KLHDC1: variants seen among roughly 807,000 people sequenced by gnomAD.
The protein encoded by KLHDC1 is kelch domain containing 1.
A neutral mutation model predicts 68.3 loss-of-function variants in KLHDC1; 53 were observed. The ratio of observed to expected loss-of-function variants is 0.78; its 90% CI spans 0.62 to 0.98. The LOEUF (loss-of-function observed/expected upper bound fraction) is 0.98, where lower values mean the gene tolerates loss of function less well. Among genes scored for constraint, KLHDC1 ranks in the 50% least tolerant of loss-of-function variants. The pLI is 0.00. For missense variants in KLHDC1, 470 were observed against 492.3 expected (o/e 0.95, Z 0.43); for synonymous variants, 148 against 159.0 (o/e 0.93, Z 0.52).
intron 9 of KLHDC1, among the ~76,000 whole-genome samples, chr14:49,733,241 C>A (rs1888857348): frequency 6.6e-6 from 1 of 152,008 alleles, no homozygotes; most frequent in Non-Finnish European, 1.5e-5. Flanking sequence ...CTTTTTGTTC[C>A]AGAGCTGTAG....
Position 49,730,437 on chromosome 14 carries a change from GT to G in KLHDC1, c.710+890del, listed in dbSNP as rs544033186. 2.9e-3 allele frequency among the ~76,000 whole-genome samples: 448 copies of G among 152,084 alleles called. 3 individuals are homozygous for G. The highest frequency in any genetic ancestry group is 0.01 in the African/African-American group (434 of 41,500). ...AGATTTCACCATGTTGGCCAGGATG[GT>G]CTCGATCTCTTGACCTTGTGATCCG... On this transcript the variant is annotated intron_variant, in intron 8 of 12. Coordinates refer to ENST00000359332, the MANE Select transcript of KLHDC1 (RefSeq NM_172193.3).
intron 3 of KLHDC1, 83 bp downstream of exon 3, chr14:49,709,909 AAAG>A: frequency 1.4e-6 from 1 of 717,060 alleles, no homozygotes; most frequent in Non-Finnish European, 2.2e-6. Context: ...AATATTTTAA[AAAG>A]AAGATATATA....
At chr14:49,734,382 CAA>C (rs1019534475) in intron 9 of KLHDC1, among the ~76,000 whole-genome samples, 29 of 152,252 alleles carry the variant, frequency 1.9e-4, no homozygotes, top group African/African-American at 6.3e-4. Flanking sequence ...GCACATGTAG[CAA>C]AGTCTTGATA....
chr14:49,731,149 G>A (rs777028998), intron 8 of KLHDC1, among the ~76,000 whole-genome samples: 7 of 152,112 alleles, frequency 4.6e-5, no homozygotes, highest in South Asian at 2.1e-4. Context: ...GTGTATTGGC[G>A]CATGCTTGTA....
intron 11 of KLHDC1, among the ~76,000 whole-genome samples, chr14:49,742,537 G>A (rs139466195): frequency 0.016 from 2,508 of 152,208 alleles, 43 homozygotes; most frequent in Middle Eastern, 0.024. Flanking sequence ...CCAGGATGTG[G>A]TGGTGTGCAC....
At chr14:49,719,638 A>C (rs1254521425) in intron 4 of KLHDC1, among the ~76,000 whole-genome samples, 2 of 151,730 alleles carry the variant, frequency 1.3e-5, no homozygotes, top group African/African-American at 2.4e-5. Context: ...GGGTTTCACT[A>C]TGTTGGCCAG....
rs1354438108 is a variant in KLHDC1, at chr14:49,693,230, A to T, written c.36A>T (p.Glu12Asp). The T allele has an allele frequency of 2.5e-6, 4 of 1,575,146 alleles. No homozygotes were observed. The highest frequency in any genetic ancestry group is 1.4e-5 in the African/African-American group (1 of 70,688). ...ADSQLFCVAE[E>D]RSGHCAVVDG... ...CTCAGCTGTTCTGTGTGGCGGAGGA[A>T]CGCAGCGGCCACTGCGCCGTGGTGG... The change falls in exon 1 of 13, where the codon GAA (glutamate) becomes GAT (aspartate). Residue 12 changes from glutamate to aspartate, a missense_variant. Glu to Asp is a conservative substitution (Grantham distance 45). Transcript: ENST00000359332.
At position 49,709,229 on chromosome 14, in the gene KLHDC1, GGTAA is replaced by G. The variant is rs1888136288; in HGVS notation, c.167+5_167+8del. 3 of 1,303,226 alleles carry G rather than the reference GGTAA, an allele frequency of 2.3e-6. No homozygotes were observed. The highest frequency in any genetic ancestry group is 1.5e-5 in the African/African-American group (1 of 66,932). 80.7% of individuals were successfully genotyped at this position (1,303,226 alleles called of 1,614,324 possible). ...ACCTATGATATTGATAGTGGGTTGTGGTAAGTAATTTTAAATTGCATACTGTCTG... is the reference window on the plus strand; with the variant it reads ...ACCTATGATATTGATAGTGGGTTGTGGTAATTTTAAATTGCATACTGTCTG... On this transcript the variant is annotated splice_donor_variant and splice_donor_region_variant and intron_variant, in intron 2 of 12. Coordinates refer to ENST00000359332, the MANE Select transcript of KLHDC1 (RefSeq NM_172193.3). LOFTEE classifies it high-confidence loss of function.
At chr14:49,721,783 C>T (rs1338594573) in intron 4 of KLHDC1, among the ~76,000 whole-genome samples, 1 of 151,956 alleles carries the variant, frequency 6.6e-6, no homozygotes, top group Non-Finnish European at 1.5e-5. Flanking sequence ...TTTTATAGTC[C>T]AGTTGGTAGG....
At chr14:49,704,774 A>G (rs1888004561) in intron 1 of KLHDC1, among the ~76,000 whole-genome samples, 2 of 152,112 alleles carry the variant, frequency 1.3e-5, no homozygotes, top group African/African-American at 2.4e-5. Flanking sequence ...GAAAGGTGAG[A>G]TGAGACATGT....
chr14:49,709,740 G>C lies in KLHDC1; in HGVS notation c.199G>C (p.Ala67Pro). The change falls in exon 3 of 13, where the codon GCC becomes CCC. Residue 67 changes from alanine to proline, a missense_variant. Transcript: ENST00000359332. ...GCACCTCATGGAAGGAGAACTCCCAGCCTCCATGTCAGGAAGCTGTGGTGC... is the reference window on the plus strand; with the variant it reads ...GCACCTCATGGAAGGAGAACTCCCACCCTCCATGTCAGGAAGCTGTGGTGC... ...RMHLMEGELPASMSGSCGACI... is the reference protein window; with the variant it reads ...RMHLMEGELPPSMSGSCGACI... The C allele has an allele frequency of 1.9e-6, 3 of 1,602,096 alleles. No homozygotes were observed. The South Asian group carries it at 3.4e-5, about 18-fold the overall frequency.
At chr14:49,731,678 T>G (rs866225165) in intron 8 of KLHDC1, among the ~76,000 whole-genome samples, 17 of 151,994 alleles carry the variant, frequency 1.1e-4, no homozygotes, top group African/African-American at 4.1e-4. Context: ...CTTTTAAGTG[T>G]CCCTTTTATT....
chr14:49,741,541 A>T (rs1889066879), intron 11 of KLHDC1, among the ~76,000 whole-genome samples: 1 of 152,002 alleles, frequency 6.6e-6, no homozygotes, highest in Non-Finnish European at 1.5e-5. Context: ...TCCTGACCTC[A>T]AGTGATCCAC....
At chr14:49,720,831 G>A (rs1220079886) in intron 4 of KLHDC1, among the ~76,000 whole-genome samples, 1 of 152,038 alleles carries the variant, frequency 6.6e-6, no homozygotes, top group East Asian at 1.9e-4. Flanking sequence ...GTTTACTGAT[G>A]TTTTCCATTG....
At chr14:49,694,633 T>C (rs1381645029) in intron 1 of KLHDC1, among the ~76,000 whole-genome samples, 3 of 151,916 alleles carry the variant, frequency 2.0e-5, no homozygotes, top group Admixed American at 2.0e-4. Context: ...GCGGGTGGAT[T>C]ACCTGAAGTC....
chr14:49,734,559 C>G, intron 9 of KLHDC1, 30 bp from the exon 10 acceptor site: 1 of 1,378,248 alleles, frequency 7.3e-7, no homozygotes, highest in Non-Finnish European at 1.0e-6. Context: ...GAGACCTAAT[C>G]TTAATTTCTG....
At chr14:49,723,043 C>T (rs755965868) in intron 4 of KLHDC1, among the ~76,000 whole-genome samples, 162 of 132,964 alleles carry the variant, frequency 1.2e-3, no homozygotes, top group Non-Finnish European at 1.8e-3. Context: ...GCAGAGATCA[C>T]GCCACTGCAC....
chr14:49,702,327 G>T (rs988400941), intron 1 of KLHDC1, among the ~76,000 whole-genome samples: 3 of 152,148 alleles, frequency 2.0e-5, no homozygotes, highest in African/African-American at 7.2e-5. Context: ...AAGAATTCTG[G>T]CAAAGAGTGT....
At chr14:49,714,170 T>A (rs964807180) in intron 4 of KLHDC1, among the ~76,000 whole-genome samples, 1 of 151,646 alleles carries the variant, frequency 6.6e-6, no homozygotes, top group Non-Finnish European at 1.5e-5. Context: ...ATGTTTTAAA[T>A]AAAGTTTAAA....
Sources: allele counts gnomAD v4.1 joint callset (sites outside exome capture counted in the v4.1 genomes callset), GRCh38; gene constraint gnomAD v4.1.1; transcripts MANE v1.5; gene names NCBI Gene and HGNC (gene_info 2026-07-23, HGNC 2026-07-21).